The following ERC2 variants were observed in gnomAD, a reference collection of about 807,000 sequenced individuals.
The protein encoded by ERC2 is ELKS/RAB6-interacting/CAST family member 2, also known as ERC protein 2.
In ERC2, 42 loss-of-function variants were observed where a neutral mutation model predicts 114.8. The ratio of observed to expected loss-of-function variants is 0.37; its 90% CI spans 0.29 to 0.47. The LOEUF (loss-of-function observed/expected upper bound fraction) is 0.47. Ranked by LOEUF, ERC2 falls within the 20% of genes least tolerant of loss-of-function variation. The pLI is 0.99. For missense variants in ERC2, 939 were observed against 1,150.7 expected, an observed-to-expected ratio of 0.82 and a Z score of 2.66; for synonymous variants, 454 against 425.5, an observed-to-expected ratio of 1.07 and a Z score of -0.82.
intron 6 of ERC2, among the ~76,000 whole-genome samples, chr3:56,087,798 C>T (rs1482561708): frequency 6.6e-6 from 1 of 152,112 alleles, no homozygotes; most frequent in African/African-American, 2.4e-5. Flanking sequence ...TTTGTTTTTC[C>T]TAATCGTAGA....
At chr3:55,848,343 C>T (rs1575829454) in intron 14 of ERC2, among the ~76,000 whole-genome samples, 1 of 152,296 alleles carries the variant, frequency 6.6e-6, no homozygotes, top group Middle Eastern at 3.4e-3. Context: ...TTCTTCTCCA[C>T]CAGGATCTAT....
At position 56,399,171 on chromosome 3, in the gene ERC2, T is replaced by C. The variant is rs138819959; in HGVS notation, c.657+35180A>G. Among the ~76,000 whole-genome samples, 10 of 152,354 alleles carry C rather than the reference T, an allele frequency of 6.6e-5. No homozygotes were observed. The East Asian group carries it at 1.2e-3, about 18-fold the overall frequency. ...CTTAATGAATTGAATTTTTCTGTCA[T>C]AGATACATGGGTAACAAACCAGCCA... On this transcript the variant is annotated intron_variant, in intron 2 of 17. Coordinates refer to ENST00000288221, the MANE Select transcript of ERC2 (RefSeq NM_015576.3).
At chr3:55,954,720 G>T (rs1175878521) in intron 12 of ERC2, among the ~76,000 whole-genome samples, 1 of 152,148 alleles carries the variant, frequency 6.6e-6, no homozygotes, top group African/African-American at 2.4e-5. Context: ...TGGTCAGGAG[G>T]AGTATAATTA....
intron 3 of ERC2, among the ~76,000 whole-genome samples, chr3:56,209,869 C>T (rs1366355864): frequency 2.6e-5 from 4 of 152,124 alleles, no homozygotes; most frequent in Admixed American, 6.5e-5. Flanking sequence ...AGCATTCAGT[C>T]CCTTCAGGCA....
chr3:55,515,067 A>C (rs1344790467), intron 17 of ERC2, among the ~76,000 whole-genome samples: 1 of 152,200 alleles, frequency 6.6e-6, no homozygotes. Flanking sequence ...TCAATAAATG[A>C]ATGAGAATGT....
intron 7 of ERC2, among the ~76,000 whole-genome samples, chr3:56,049,688 C>G (rs2075663584): frequency 6.6e-6 from 1 of 152,196 alleles, no homozygotes; most frequent in African/African-American, 2.4e-5. Flanking sequence ...TTCCTGCTGT[C>G]AAACATCAGA....
chr3:55,874,781 A>G (rs764572901), intron 14 of ERC2, among the ~76,000 whole-genome samples: 65 of 152,086 alleles, frequency 4.3e-4, no homozygotes, highest in Admixed American at 9.8e-4. Context: ...GACGCTAGCA[A>G]CACTGGACAG....
chr3:56,464,194 C>T (rs897972552), intron 1 of ERC2, among the ~76,000 whole-genome samples: 7 of 152,194 alleles, frequency 4.6e-5, no homozygotes, highest in African/African-American at 1.7e-4. Flanking sequence ...ATCAAATATT[C>T]GCTCCCTTAC....
intron 7 of ERC2, among the ~76,000 whole-genome samples, chr3:56,080,494 C>T (rs1339543598): frequency 6.6e-6 from 1 of 152,146 alleles, no homozygotes; most frequent in African/African-American, 2.4e-5. Flanking sequence ...ACATTGCTAA[C>T]TCTCAGGAAG....
At chr3:56,059,473 A>G (rs577655010) in intron 7 of ERC2, among the ~76,000 whole-genome samples, 6 of 152,334 alleles carry the variant, frequency 3.9e-5, no homozygotes, top group African/African-American at 1.4e-4. Flanking sequence ...AATCAGCTAC[A>G]GGAAGTAAGT....
rs55926504 is a variant in ERC2 at position 56,005,513 on chromosome 3, T to C, written c.2061+1668A>G. On this transcript the variant is annotated intron_variant, in intron 10 of 17. Coordinates refer to ENST00000288221, the MANE Select transcript of ERC2 (RefSeq NM_015576.3). ...AAGTATAAGCAACAATATGTGAATC[T>C]CTTCCTTTTAATTACTAGTGGATTT... Among the ~76,000 whole-genome samples the C allele has an allele frequency of 8.3e-3, 1,265 of 152,214 alleles. 6 individuals carry two copies. Among genetic ancestry groups the C allele is most frequent in the Middle Eastern group, 0.017 (5 of 294 alleles).
At chr3:56,000,696 G>A (rs1431065855) in intron 10 of ERC2, among the ~76,000 whole-genome samples, 2 of 152,058 alleles carry the variant, frequency 1.3e-5, no homozygotes, top group African/African-American at 4.8e-5. Flanking sequence ...GAAGAAGCAT[G>A]CTTTGGTGGA....
chr3:56,236,094 T>C (rs572430143), intron 3 of ERC2, among the ~76,000 whole-genome samples: 1 of 152,262 alleles, frequency 6.6e-6, no homozygotes, highest in African/African-American at 2.4e-5. Context: ...GAAAAAGTTA[T>C]TCAGGCAACA....
chr3:55,908,253 A>G (rs1400675211), intron 13 of ERC2, among the ~76,000 whole-genome samples: 1 of 152,200 alleles, frequency 6.6e-6, no homozygotes, highest in East Asian at 1.9e-4. Context: ...TGCTTCAATC[A>G]AAGAGAAAAA....
chr3:55,561,141 C>T lies in ERC2; in HGVS notation c.*40-49865G>A, dbSNP rs145722946. Reference sequence around the variant, plus strand: ...TCACAGCAGAAAGCTCACCAAACTACTGCTGCTTTTCTTTAAAAAAAAAAA... The same window carrying T: ...TCACAGCAGAAAGCTCACCAAACTATTGCTGCTTTTCTTTAAAAAAAAAAA... On this transcript the variant is annotated intron_variant, in intron 17 of 17. Coordinates refer to ENST00000288221, the MANE Select transcript of ERC2 (RefSeq NM_015576.3). Among the ~76,000 whole-genome samples the T allele has an allele frequency of 3.5e-3, 500 of 143,758 alleles. 2 individuals are homozygous for T. Among genetic ancestry groups the T allele is most frequent in the African/African-American group, 0.013 (476 of 37,730 alleles). 94.3% of individuals were successfully genotyped at this position (143,758 alleles called of 152,430 possible). A position where few individuals can be genotyped will look rare whatever the true frequency, so the allele number is the denominator to read the frequency against.
chr3:56,127,743 C>T (rs546200368), intron 6 of ERC2, among the ~76,000 whole-genome samples: 1 of 147,256 alleles, frequency 6.8e-6, no homozygotes, highest in African/African-American at 2.5e-5. Flanking sequence ...AAAAAAAAAA[C>T]CAGCATAGTA....
intron 17 of ERC2, among the ~76,000 whole-genome samples, chr3:55,552,704 A>G (rs1370961825): frequency 6.6e-6 from 1 of 151,774 alleles, no homozygotes; most frequent in Non-Finnish European, 1.5e-5. Context: ...ATATCTTACA[A>G]TTTCACATTA....
At chr3:56,156,912 G>C (rs189096076) in intron 4 of ERC2, among the ~76,000 whole-genome samples, 2 of 152,052 alleles carry the variant, frequency 1.3e-5, no homozygotes, top group Non-Finnish European at 2.9e-5. Flanking sequence ...TTATTTGTAA[G>C]CTCCTCAGCT....
intron 13 of ERC2, among the ~76,000 whole-genome samples, chr3:55,941,791 A>T (rs987912198): frequency 1.3e-5 from 2 of 152,102 alleles, no homozygotes; most frequent in African/African-American, 4.8e-5. Flanking sequence ...ACTTAAACTA[A>T]TTTTTATTTA....
Sources: allele counts gnomAD v4.1 joint callset (sites outside exome capture counted in the v4.1 genomes callset), GRCh38; gene constraint gnomAD v4.1.1; transcripts MANE v1.5; gene names NCBI Gene and HGNC (gene_info 2026-07-23, HGNC 2026-07-21).